The following FAM193A variants were observed in gnomAD, a reference collection of about 807,000 sequenced individuals.
The protein encoded by FAM193A is protein FAM193A.
Under a neutral mutation model 126.5 loss-of-function variants are expected in FAM193A, and 22 were observed. The observed-to-expected ratio is 0.17, with a 90% CI of 0.12 to 0.25. The LOEUF is 0.25. Among genes scored for constraint, FAM193A ranks in the 10% least tolerant of loss-of-function variants. The pLI is 1.00. For missense variants in FAM193A, 1,675 were observed against 1,672.8 expected (o/e 1.00, Z -0.02); for synonymous variants, 761 against 646.8 (o/e 1.18, Z -2.68).
intron 2 of FAM193A, among the ~76,000 whole-genome samples, chr4:2,598,836 C>A (rs144378727): frequency 1.3e-4 from 20 of 152,314 alleles, no homozygotes; most frequent in African/African-American, 4.8e-4. Flanking sequence ...CTCTCTACTT[C>A]CTCCTTGGCA....
In FAM193A at chr4:2,659,757, A is replaced by G. The variant is rs372399953; in HGVS notation, c.1503-55A>G. On this transcript the variant is annotated intron_variant, in intron 9 of 20. Coordinates refer to ENST00000637812, the MANE Select transcript of FAM193A (RefSeq NM_001366318.2). ...GGCCTAGAACCGACCCTTAGAGAGC[A>G]TGGTCTAGTCTTGTGCATTGGTTGG... 156 of 1,613,714 alleles carry G rather than the reference A, an allele frequency of 9.7e-5. 2 individuals carry two copies. In the East Asian group the frequency reaches 2.2e-3, roughly 23 times the overall value.
At chr4:2,638,746 C>T (rs892266545) in intron 5 of FAM193A, among the ~76,000 whole-genome samples, 7 of 152,184 alleles carry the variant, frequency 4.6e-5, no homozygotes, top group African/African-American at 1.7e-4. Flanking sequence ...AATTTGTTCT[C>T]TCAGCCCCCA....
At chr4:2,595,989 C>G in intron 1 of FAM193A, 95 bp from the exon 2 acceptor site, 1 of 610,032 alleles carries the variant, frequency 1.6e-6, no homozygotes, top group Non-Finnish European at 2.9e-6. Context: ...TATAAACATA[C>G]ACATGCATTT....
chr4:2,624,971 C>T (rs947409163), intron 2 of FAM193A, among the ~76,000 whole-genome samples: 2 of 152,220 alleles, frequency 1.3e-5, no homozygotes, highest in African/African-American at 4.8e-5. Context: ...GATCCTGTCA[C>T]CTCAGCCTCC....
chr4:2,590,492 AAAACAAAAAAAAAC>A (rs1740492044), intron 1 of FAM193A, among the ~76,000 whole-genome samples: 3 of 94,456 alleles, frequency 3.2e-5, no homozygotes, highest in Admixed American at 9.1e-5. Flanking sequence ...AAAACAAAAA[AAAACAAAAAAAAAC>A]AAAAAAAAAA....
At chr4:2,593,165 C>T (rs1740664655) in intron 1 of FAM193A, among the ~76,000 whole-genome samples, 1 of 152,224 alleles carries the variant, frequency 6.6e-6, no homozygotes, top group Non-Finnish European at 1.5e-5. Context: ...TTCTCCTCCT[C>T]TCACACCTCA....
chr4:2,597,900 C>T (rs1202631762), intron 2 of FAM193A, among the ~76,000 whole-genome samples: 6 of 151,916 alleles, frequency 3.9e-5, no homozygotes, highest in African/African-American at 1.2e-4. Flanking sequence ...CTCTGGTAAC[C>T]ACTCACCTGA....
At chr4:2,537,496 C>T (rs1016941807) in intron 1 of FAM193A, among the ~76,000 whole-genome samples, 1 of 152,244 alleles carries the variant, frequency 6.6e-6, no homozygotes, top group Admixed American at 6.5e-5. Flanking sequence ...GGGACGTCTC[C>T]GGGGTGCAGC....
At chr4:2,580,276 A>G (rs1739842947) in intron 1 of FAM193A, among the ~76,000 whole-genome samples, 1 of 152,166 alleles carries the variant, frequency 6.6e-6, no homozygotes, top group African/African-American at 2.4e-5. Context: ...CTTATAGCCG[A>G]TGAGAACACA....
In FAM193A at chr4:2,725,450, CAAAAAAAAA is replaced by C. The variant is rs71644355; in HGVS notation, c.4455-6307_4455-6299del. Among the ~76,000 whole-genome samples the C allele has an allele frequency of 6.6e-3, 209 of 31,780 alleles. 1 individual carries two copies. The highest frequency in any genetic ancestry group is 0.014 in the South Asian group (12 of 832). The allele number at this position is 31,780 out of a possible 152,430, so 20.8% of individuals were successfully genotyped here. A position where few individuals can be genotyped will look rare whatever the true frequency, so the allele number is the denominator to read the frequency against. ...GGGCAACAGAGTAAGACCCTGTCTC[CAAAAAAAAA>C]AAAAAAAAAAAAAAAAAGTAATCAC... On this transcript the variant is annotated intron_variant, in intron 20 of 20. Transcript: ENST00000637812.
chr4:2,554,859 G>T (rs945006890), intron 1 of FAM193A, among the ~76,000 whole-genome samples: 2 of 152,070 alleles, frequency 1.3e-5, no homozygotes, highest in African/African-American at 2.4e-5. Flanking sequence ...CTCTAAAGTC[G>T]CTTTTGTCTG....
At chr4:2,729,903 C>T (rs1721186432) in intron 20 of FAM193A, among the ~76,000 whole-genome samples, 1 of 151,734 alleles carries the variant, frequency 6.6e-6, no homozygotes, top group Non-Finnish European at 1.5e-5. Flanking sequence ...TGAGCCACCA[C>T]AGCAAGGCTT....
At chr4:2,603,250 C>A (rs1177032627) in intron 2 of FAM193A, among the ~76,000 whole-genome samples, 1 of 148,126 alleles carries the variant, frequency 6.8e-6, no homozygotes, top group African/African-American at 2.5e-5. Context: ...CTCCTGATTG[C>A]TGGGATTATA....
chr4:2,580,841 A>G (rs1739877262), intron 1 of FAM193A, among the ~76,000 whole-genome samples: 1 of 152,224 alleles, frequency 6.6e-6, no homozygotes, highest in Admixed American at 6.5e-5. Context: ...TAAGTTTTTT[A>G]AAACCCACTG....
intron 8 of FAM193A, among the ~76,000 whole-genome samples, chr4:2,659,092 C>T (rs1487390758): frequency 6.6e-6 from 1 of 152,198 alleles, no homozygotes; most frequent in Non-Finnish European, 1.5e-5. Flanking sequence ...CCACCTGTCC[C>T]ATTGCCAGAG....
intron 1 of FAM193A, among the ~76,000 whole-genome samples, chr4:2,550,307 A>G (rs1456716536): frequency 8.6e-5 from 13 of 152,040 alleles, no homozygotes; most frequent in Admixed American, 8.5e-4. Flanking sequence ...TGGCCTCTCA[A>G]AGTGCTGGTA....
rs543692112 is a variant in FAM193A at position 2,700,786 on chromosome 4, C to A, written c.4372+242C>A. Among the ~76,000 whole-genome samples, 489 of 148,094 alleles carry A rather than the reference C, an allele frequency of 3.3e-3. 3 individuals carry two copies. The highest frequency in any genetic ancestry group is 0.01 in the Middle Eastern group (3 of 288). ...GACCAGCTTGGCCAACATGCTGAAA[C>A]CCTGTCTCTACTAAAAATAACAAAA... On this transcript the variant is annotated intron_variant, in intron 19 of 20. Coordinates refer to ENST00000637812, the MANE Select transcript of FAM193A (RefSeq NM_001366318.2).
At position 2,655,170 on chromosome 4, in the gene FAM193A, C is replaced by G. The variant is rs775585084; in HGVS notation, c.1312-2633C>G. 4 of 651,866 alleles carry G rather than the reference C, an allele frequency of 6.1e-6. No individual in the cohort carries two copies. The East Asian group carries it at 1.1e-4, about 18-fold the overall frequency. 40.4% of individuals were successfully genotyped at this position (651,866 alleles called of 1,614,324 possible). A position where few individuals can be genotyped will look rare whatever the true frequency, so the allele number is the denominator to read the frequency against. ...TGAAGTTTGATGCTTGCCATACAGA[C>G]TTTTGATACTTTCTAGCAAATTAAA... On this transcript the variant is annotated intron_variant, in intron 7 of 20. Transcript: ENST00000637812.
intron 12 of FAM193A, among the ~76,000 whole-genome samples, chr4:2,664,722 C>T (rs1012976940): frequency 6.6e-6 from 1 of 151,882 alleles, no homozygotes; most frequent in South Asian, 2.1e-4. Context: ...CGCCACCACG[C>T]CCGGCTAATT....
Sources: gnomAD v4.1 joint callset for allele counts (sites outside exome capture counted in the v4.1 genomes callset) on GRCh38, gnomAD v4.1.1 for gene constraint, MANE v1.5 for transcripts, NCBI Gene and HGNC (gene_info 2026-07-23, HGNC 2026-07-21) for gene names.